The following CAND2 variants were observed in gnomAD, a reference collection of about 807,000 sequenced individuals.
CAND2 encodes cullin associated and neddylation dissociated 2 (putative).
In CAND2, 62 loss-of-function variants were observed where a neutral mutation model predicts 98.9. That is an observed-to-expected ratio of 0.63 (90% CI 0.51 to 0.77). The LOEUF is 0.77. Ranked by LOEUF, CAND2 falls within the 30% of genes least tolerant of loss-of-function variation. The probability of loss-of-function intolerance (pLI) is 0.00; values close to 1 mark genes in which losing one functional copy is unlikely to be tolerated. For synonymous variants in CAND2, 770 were observed against 731.9 expected, an observed-to-expected ratio of 1.05 and a Z score of -0.84; for missense variants, 1,501 against 1,655.2, an observed-to-expected ratio of 0.91 and a Z score of 1.62.
At chr3:12,831,622 CCTCGGCCAGTCGTT>C (rs3832211) in intron 14 of CAND2, 50 bp downstream of exon 14, 140,007 of 1,286,324 alleles carry the variant, frequency 0.11, 8,314 homozygotes, top group South Asian at 0.2. Flanking sequence ...CCTATGGAGT[CCTCGGCCAGTCGTT>C]CAGTTACCCT....
chr3:12,826,399 T>C (rs939852954), intron 12 of CAND2, among the ~76,000 whole-genome samples: 2 of 150,528 alleles, frequency 1.3e-5, no homozygotes, highest in Non-Finnish European at 3.0e-5. Context: ...GGCTTCATGG[T>C]TGAAAGCTTC....
At position 12,816,567 on chromosome 3, in the gene CAND2, G is replaced by A. The variant is rs2061904341; in HGVS notation, c.1635G>A (p.Leu545=). ...TTGCAGCCGAGGCCCTGGTGGTGCT[G>A]CAGGAGCTGGTGCGGGCCCTGTGGC... The part of the protein sequence containing the change: ...YKIAAEALVV[L]QELVRALWPL... Residue 545 remains leucine (L), a synonymous_variant, in exon 10 of 15, where the codon CTG becomes CTA. Transcript: ENST00000456430. The A allele has an allele frequency of 3.1e-6, 5 of 1,613,966 alleles. No individual in the cohort carries two copies. Among genetic ancestry groups the A allele is most frequent in the African/African-American group, 2.7e-5 (2 of 75,066 alleles).
chr3:12,815,881 C>T lies in CAND2; in HGVS notation c.1314C>T (p.Val438=), dbSNP rs1415886760. The T allele has an allele frequency of 1.2e-6, 2 of 1,613,628 alleles. No individual in the cohort carries two copies. Among genetic ancestry groups the T allele is most frequent in the East Asian group, 2.2e-5 (1 of 44,882 alleles). The change falls in exon 9 of 15, where the codon GTC becomes GTT. Residue 438 remains valine (V), a synonymous_variant. Coordinates refer to ENST00000456430, the MANE Select transcript of CAND2 (RefSeq NM_001162499.2). This position sits in a 1 kb window ranked among gnomAD's most constrained non-coding sequence, Gnocchi z 5.7. Reference sequence around the variant, plus strand: ...CCTGCCCACAGGTGCCCCTTGTGGTCAAGGCCCTGCAGCGGCAGCTTAAAG... The same window carrying T: ...CCTGCCCACAGGTGCCCCTTGTGGTTAAGGCCCTGCAGCGGCAGCTTAAAG... ...HMLRGQVPLV[V]KALQRQLKDR...
At chr3:12,820,253 T>C (rs1194809559) in intron 11 of CAND2, 72 bp downstream of exon 11, 3 of 1,165,300 alleles carry the variant, frequency 2.6e-6, no homozygotes, top group Non-Finnish European at 3.8e-6. Context: ...GGCTGATGTT[T>C]ACTACCCAAT....
chr3:12,797,842 G>A (rs915429883), intron 1 of CAND2, among the ~76,000 whole-genome samples: 16 of 152,288 alleles, frequency 1.1e-4, no homozygotes, highest in African/African-American at 3.9e-4. Flanking sequence ...TCTTAGTGAG[G>A]TCCTCTGATT....
chr3:12,816,651 C>T lies in CAND2; in HGVS notation c.1719C>T (p.Val573=). 2 of 1,613,850 alleles carry T rather than the reference C, an allele frequency of 1.2e-6. No homozygotes were observed. Among genetic ancestry groups the T allele is most frequent in the Non-Finnish European group, 1.7e-6 (2 of 1,180,046 alleles). Residue 573 remains valine (V), a synonymous_variant, in exon 10 of 15, where the codon GTC becomes GTT. Coordinates refer to ENST00000456430, the MANE Select transcript of CAND2 (RefSeq NM_001162499.2). ...CATATGTTGGAGAGATGTCTGCTGT[C>T]ACCCTGGCGCGACTTCGTGCCACTG... ...PEPYVGEMSA[V]TLARLRATDL... is the part of the protein sequence containing the mutation.
chr3:12,817,285 G>C lies in CAND2; in HGVS notation c.2353G>C (p.Val785Leu), dbSNP rs776078885. 3 of 1,614,002 alleles carry C rather than the reference G, an allele frequency of 1.9e-6. No homozygotes were observed. The highest frequency in any genetic ancestry group is 2.5e-6 in the Non-Finnish European group (3 of 1,180,036). Residue 785 changes from valine to leucine, a missense_variant, in exon 10 of 15, where the codon GTT becomes CTT. Physicochemically the swap from Val to Leu is conservative, Grantham distance 32. Around this residue, in one of 3 missense-constraint regions of CAND2, gnomAD observed 1,427 missense variants for 1,545.3 expected, o/e 0.92. Transcript: ENST00000456430. ...ACTCATCAGCCTGCTCACTGCGCCT[G>C]TTTATGAGCAGGCTGTGGATGGTGG... The part of the protein sequence containing the change: ...AKLISLLTAP[V>L]YEQAVDGGPG...
chr3:12,817,504 C>T lies in CAND2; in HGVS notation c.2572C>T (p.His858Tyr). ...GGTGGGTCAGGTGGCTGGGCCAGGC[C>T]ACCAGCGGGAGCTGAAGGCGGTGCT... ...AEVGQVAGPG[H>Y]QRELKAVLLE... is the part of the protein sequence containing the mutation. Residue 858 changes from histidine to tyrosine, a missense_variant, in exon 10 of 15, where the codon CAC becomes TAC. His to Tyr is a moderately conservative substitution (Grantham distance 83). Transcript: ENST00000456430. The T allele has an allele frequency of 6.2e-7, 1 of 1,613,550 alleles. No individual in the cohort carries two copies. The highest frequency in any genetic ancestry group is 8.5e-7 in the Non-Finnish European group (1 of 1,179,886).
At chr3:12,809,953 G>A in intron 4 of CAND2, 106 bp from the exon 5 acceptor site, 3 of 1,277,468 alleles carry the variant, frequency 2.3e-6, no homozygotes, top group South Asian at 3.5e-5. Flanking sequence ...CCATTGAGTT[G>A]CCATAATCCT....
chr3:12,830,065 ACCTCCT>A, intron 13 of CAND2, among the ~76,000 whole-genome samples: 1 of 152,088 alleles, frequency 6.6e-6, no homozygotes, highest in Admixed American at 6.5e-5. Flanking sequence ...GTGAGGCTGC[ACCTCCT>A]GCAGCGGGCG....
chr3:12,813,161 T>G (rs762358716), intron 6 of CAND2, 66 bp downstream of exon 6: 14 of 1,579,248 alleles, frequency 8.9e-6, no homozygotes, highest in Admixed American at 5.4e-5. Context: ...CCCAAAGCAG[T>G]AAAATTTCAG....
In CAND2 at chr3:12,806,911, C is replaced by T. The variant is rs999899032; in HGVS notation, c.213-395C>T. ...CCTGGACCACCTACAGTATCAGCCT[C>T]AACTGGGAGCTTGCTAGAAATGCAC... On this transcript the variant is annotated intron_variant, in intron 2 of 14. Transcript: ENST00000456430. Among the ~76,000 whole-genome samples, 19 of 152,198 alleles carry T rather than the reference C, an allele frequency of 1.2e-4. 1 individual carries two copies. Among genetic ancestry groups the T allele is most frequent in the African/African-American group, 4.3e-4 (18 of 41,446 alleles).
chr3:12,806,631 A>AT (rs1041344834), intron 2 of CAND2, among the ~76,000 whole-genome samples: 7 of 152,086 alleles, frequency 4.6e-5, no homozygotes, highest in Admixed American at 1.3e-4. Context: ...CCAGGTAGGC[A>AT]TTTTTTAGAG....
chr3:12,818,166 G>T (rs2061924909), intron 10 of CAND2, among the ~76,000 whole-genome samples: 1 of 150,392 alleles, frequency 6.6e-6, no homozygotes. Context: ...GCACATGTCT[G>T]TAATCCCAGC....
chr3:12,815,361 C>G lies in CAND2; in HGVS notation c.1227C>G (p.Pro409=), dbSNP rs759658409. The G allele has an allele frequency of 3.1e-6, 5 of 1,613,964 alleles. No individual in the cohort carries two copies. The highest frequency in any genetic ancestry group is 1.7e-6 in the Non-Finnish European group (2 of 1,180,044). The change falls in exon 8 of 15, where the codon CCC becomes CCG. Residue 409 remains proline, a synonymous_variant. Coordinates refer to ENST00000456430, the MANE Select transcript of CAND2 (RefSeq NM_001162499.2). This position sits in a 1 kb window ranked among gnomAD's most constrained non-coding sequence, Gnocchi z 5.7. ...TCGTGCTGCTGCGGCAAACACAGCC[C>G]CCGAAGGGATGGCTGGAGGCCATGG... ...AYIVLLRQTQ[P]PKGWLEAMEE... is the part of the protein sequence containing the mutation.
In CAND2 at chr3:12,816,515, C is replaced by T. The variant is rs769441536; in HGVS notation, c.1583C>T (p.Ala528Val). 1 of 1,613,912 alleles carries T rather than the reference C, an allele frequency of 6.2e-7. No homozygotes were observed. Among genetic ancestry groups the T allele is most frequent in the African/African-American group, 1.3e-5 (1 of 74,940 alleles). The change falls in exon 10 of 15, where the codon GCC becomes GTC. Residue 528 changes from alanine (A) to valine (V), a missense_variant. Ala to Val is a moderately conservative substitution (Grantham distance 64). This residue lies in a region of CAND2 where 1,427 missense variants were observed against 1,545.3 expected (regional missense o/e 0.92). Coordinates refer to ENST00000456430, the MANE Select transcript of CAND2 (RefSeq NM_001162499.2). ...CCTATCCTCCTGCCACCTGTGATGG[C>T]CTGTGTGGCTGACTCTTTCTACAAG... is the stretch of plus-strand genomic sequence containing the variant. ...HLPILLPPVM[A>V]CVADSFYKIA... is the part of the protein sequence containing the mutation.
rs569011903 is a variant in CAND2, at chr3:12,827,438, A to G, written c.3211-2A>G. The stretch of plus-strand genomic sequence containing the variant: ...TATCACCAACCTTCATCCCTCCTGC[A>G]GGTGGAGATGGGGCCCTTTAAACAT... On this transcript the variant is annotated splice_acceptor_variant, in intron 12 of 14. Transcript: ENST00000456430. LOFTEE classifies it high-confidence loss of function. The G allele has an allele frequency of 6.2e-7, 1 of 1,612,220 alleles. No homozygotes were observed. The highest frequency in any genetic ancestry group is 1.1e-5 in the South Asian group (1 of 90,814).
At chr3:12,812,221 CTTTTTTTT>C (rs531439250) in intron 5 of CAND2, among the ~76,000 whole-genome samples, 6 of 74,514 alleles carry the variant, frequency 8.1e-5, no homozygotes, top group African/African-American at 1.7e-4. Flanking sequence ...AGCTGTTTAT[CTTTTTTTT>C]TTTTTTTTTT....
chr3:12,815,862 CACAG>C lies in CAND2; in HGVS notation c.1300-4_1300-1del, dbSNP rs747524253. 2.5e-6 allele frequency: 4 copies of C among 1,611,158 alleles called. No individual in the cohort carries two copies. In the African/African-American group the frequency reaches 4.0e-5, roughly 16 times the overall value. Reference sequence around the variant, plus strand: ...CTGACCTTGACTTCCCCCTCCTGCCCACAGGTGCCCCTTGTGGTCAAGGCCCTGC... The same window carrying C: ...CTGACCTTGACTTCCCCCTCCTGCCCGTGCCCCTTGTGGTCAAGGCCCTGC... On this transcript the variant is annotated splice_acceptor_variant and splice_polypyrimidine_tract_variant and intron_variant, in intron 8 of 14. Transcript: ENST00000456430. LOFTEE classifies it high-confidence loss of function. The surrounding 1 kb of genome is among the most constrained non-coding windows in gnomAD (Gnocchi z 5.7).
Sources: allele counts gnomAD v4.1 joint callset (sites outside exome capture counted in the v4.1 genomes callset), GRCh38; gene constraint gnomAD v4.1.1; regional missense constraint gnomAD v4.1.1; non-coding constraint Gnocchi (gnomAD v3.1); transcripts MANE v1.5; gene names NCBI Gene and HGNC (gene_info 2026-07-23, HGNC 2026-07-21).